GSE1: variants seen among roughly 807,000 people sequenced by gnomAD.
The protein encoded by GSE1 is genetic suppressor element 1.
GSE1 carries 32 observed loss-of-function variants against 112.6 expected under a neutral mutation model. The observed-to-expected ratio is 0.28, with a 90% CI of 0.21 to 0.38. The LOEUF (loss-of-function observed/expected upper bound fraction) is 0.38. Ranked by LOEUF, GSE1 falls within the 10% of genes least tolerant of loss-of-function variation. GSE1 has a pLI of 1.00. For synonymous variants in GSE1, 1,115 were observed against 735.6 expected, an observed-to-expected ratio of 1.52 and a Z score of -8.35; for missense variants, 2,348 against 1,699.2, an observed-to-expected ratio of 1.38 and a Z score of -6.71.
chr16:85,474,771 C>G (rs1317414513), intron 2 of GSE1, among the ~76,000 whole-genome samples: 1 of 151,996 alleles, frequency 6.6e-6, no homozygotes, highest in Non-Finnish European at 1.5e-5. Flanking sequence ...GAAACTGAGC[C>G]TCCAGGACCC....
intron 1 of GSE1, among the ~76,000 whole-genome samples, chr16:85,604,047 G>A (rs1296957818): frequency 6.6e-6 from 1 of 152,156 alleles, no homozygotes; most frequent in Non-Finnish European, 1.5e-5. Context: ...GGAGGCCCCA[G>A]GAAATTTACA....
chr16:85,621,924 C>T (rs1002103353), intron 1 of GSE1, among the ~76,000 whole-genome samples: 7 of 152,214 alleles, frequency 4.6e-5, no homozygotes, highest in African/African-American at 1.4e-4. Context: ...GCCTGGACTA[C>T]TTCTCATGGC....
intron 1 of GSE1, among the ~76,000 whole-genome samples, chr16:85,284,022 G>T (rs868202814): frequency 1.3e-5 from 2 of 152,298 alleles, no homozygotes; most frequent in Middle Eastern, 3.4e-3. Context: ...GGGGAGGGAG[G>T]CAGGCTGCAT....
chr16:85,625,188 C>G (rs1239955062), intron 1 of GSE1, among the ~76,000 whole-genome samples: 2 of 152,182 alleles, frequency 1.3e-5, no homozygotes, highest in African/African-American at 4.8e-5. Flanking sequence ...TCCCGCCCTT[C>G]CCGCCGCCCT....
chr16:85,479,188 ATTTTTT>A (rs59825091), intron 2 of GSE1, among the ~76,000 whole-genome samples: 4 of 82,498 alleles, frequency 4.8e-5, no homozygotes, highest in Admixed American at 1.7e-4. Context: ...TGCCCGGCTA[ATTTTTT>A]TTTTTTTTTT....
intron 2 of GSE1, among the ~76,000 whole-genome samples, chr16:85,495,445 ATTTAT>A (rs1410052872): frequency 3.3e-5 from 5 of 149,616 alleles, no homozygotes; most frequent in Admixed American, 6.6e-5. Flanking sequence ...TTATTTATTT[ATTTAT>A]TTATTTATTT....
intron 2 of GSE1, among the ~76,000 whole-genome samples, chr16:85,452,712 A>G (rs2049720186): frequency 6.6e-6 from 1 of 152,240 alleles, no homozygotes. Context: ...TTGAACCCAG[A>G]GACCCTCAGC....
chr16:85,253,458 C>A (rs778270583), intron 1 of GSE1, among the ~76,000 whole-genome samples: 1 of 152,236 alleles, frequency 6.6e-6, no homozygotes, highest in African/African-American at 2.4e-5. Context: ...CTGCAGCCAC[C>A]TCTGCTGTCT....
intron 2 of GSE1, among the ~76,000 whole-genome samples, chr16:85,642,768 G>A (rs939653589): frequency 3.6e-4 from 55 of 152,334 alleles, no homozygotes; most frequent in African/African-American, 1.2e-3. Context: ...GGTCGGGGCC[G>A]TGCAGAACAG....
chr16:85,224,722 G>A (rs532742980), intron 1 of GSE1, among the ~76,000 whole-genome samples: 1 of 152,262 alleles, frequency 6.6e-6, no homozygotes, highest in African/African-American at 2.4e-5. Flanking sequence ...GGGCGCAGTG[G>A]CTCACGCCTG....
At chr16:85,655,160 G>T (rs1417487449) in intron 5 of GSE1, among the ~76,000 whole-genome samples, 169 bp downstream of exon 5, 1 of 152,196 alleles carries the variant, frequency 6.6e-6, no homozygotes, top group African/African-American at 2.4e-5. Context: ...AGCCCTGATG[G>T]CCCATTAGGG....
chr16:85,508,158 C>G (rs774050236), intron 2 of GSE1, among the ~76,000 whole-genome samples: 1 of 152,158 alleles, frequency 6.6e-6, no homozygotes. Flanking sequence ...CTCAGCCTCC[C>G]GAGTAGCTGG....
intron 1 of GSE1, among the ~76,000 whole-genome samples, chr16:85,580,915 T>C (rs1280517433): frequency 6.6e-6 from 1 of 152,238 alleles, no homozygotes; most frequent in Non-Finnish European, 1.5e-5. Context: ...CCTTAAGAAC[T>C]ATGAGAAAAT....
intron 1 of GSE1, among the ~76,000 whole-genome samples, chr16:85,284,041 C>T (rs2044937843): frequency 6.6e-6 from 1 of 152,156 alleles, no homozygotes; most frequent in South Asian, 2.1e-4. Flanking sequence ...ATGGCCTCCA[C>T]AGTCCCTCCC....
chr16:85,537,823 G>A (rs1456011091), intron 2 of GSE1, among the ~76,000 whole-genome samples: 1 of 152,254 alleles, frequency 6.6e-6, no homozygotes, highest in Non-Finnish European at 1.5e-5. Context: ...AGAGTGAGGG[G>A]TCAAGGAGGC....
upstream of GSE1, chr16:85,555,303 G>A (rs1175046655): frequency 4.1e-6 from 4 of 984,876 alleles, no homozygotes; most frequent in Admixed American, 1.8e-4. Context: ...CTGCCCAGGC[G>A]CCAGAGCCCC....
At chr16:85,365,233 C>T (rs986753886) in intron 2 of GSE1, among the ~76,000 whole-genome samples, 1 of 152,176 alleles carries the variant, frequency 6.6e-6, no homozygotes, top group Non-Finnish European at 1.5e-5. Context: ...CCCGGGAGAC[C>T]AGCCTTAGAG....
At chr16:85,319,079 TGTG>T (rs879822571) in intron 1 of GSE1, among the ~76,000 whole-genome samples, 5 of 152,116 alleles carry the variant, frequency 3.3e-5, no homozygotes, top group Non-Finnish European at 5.9e-5. Flanking sequence ...GATGTGAACT[TGTG>T]GGGCCCAGCA....
Position 85,373,327 on chromosome 16 carries a change from C to G in GSE1, c.2464+15684C>G, listed in dbSNP as rs1305705366. Among the ~76,000 whole-genome samples the G allele has an allele frequency of 1.3e-5, 2 of 152,240 alleles. No individual in the cohort carries two copies. The highest frequency in any genetic ancestry group is 2.9e-5 in the Non-Finnish European group (2 of 68,040). ...AACAGCCAGGCTGTTGGGGTGCCTTCTCTGATGTCTTCTATCATGGGCTGT... is the reference window on the plus strand; with the variant it reads ...AACAGCCAGGCTGTTGGGGTGCCTTGTCTGATGTCTTCTATCATGGGCTGT... On this transcript the variant is annotated intron_variant, in intron 2 of 2. Coordinates refer to the GSE1 transcript ENST00000637419. The surrounding 1 kb of genome is among the most constrained non-coding windows in gnomAD (Gnocchi z 5.1).
Sources: gnomAD v4.1 joint callset for allele counts (sites outside exome capture counted in the v4.1 genomes callset) on GRCh38, gnomAD v4.1.1 for gene constraint, Gnocchi (gnomAD v3.1) non-coding constraint, MANE v1.5 for transcripts, NCBI Gene and HGNC (gene_info 2026-07-23, HGNC 2026-07-21) for gene names.